BCKDHB: variants seen among roughly 807,000 people sequenced by gnomAD.
The protein encoded by BCKDHB is 2-oxoisovalerate dehydrogenase subunit beta, mitochondrial.
BCKDHB carries 41 observed loss-of-function variants against 48.5 expected under a neutral mutation model. The ratio of observed to expected loss-of-function variants is 0.85; its 90% CI spans 0.66 to 1.10. The LOEUF (loss-of-function observed/expected upper bound fraction) is 1.10, where lower values mean the gene tolerates loss of function less well. Among genes scored for constraint, BCKDHB ranks in the 50% least tolerant of loss-of-function variants. The probability of loss-of-function intolerance (pLI) is 0.00; values close to 1 mark genes in which losing one functional copy is unlikely to be tolerated. For synonymous variants in BCKDHB, 201 were observed against 174.8 expected (o/e 1.15, Z -1.18); for missense variants, 496 against 494.2 (o/e 1.00, Z -0.03).
At chr6:80,229,463 G>A (rs1221889210) in intron 8 of BCKDHB, among the ~76,000 whole-genome samples, 2 of 152,138 alleles carry the variant, frequency 1.3e-5, no homozygotes, top group Non-Finnish European at 2.9e-5. Context: ...CAATAAGCTT[G>A]GTGTGGTTGT....
chr6:80,146,312 A>G (rs1237252620), intron 3 of BCKDHB, among the ~76,000 whole-genome samples: 1 of 152,194 alleles, frequency 6.6e-6, no homozygotes, highest in African/African-American at 2.4e-5. Flanking sequence ...AGAATGAAAT[A>G]ACAATATAAA....
intron 9 of BCKDHB, among the ~76,000 whole-genome samples, chr6:80,280,350 A>G (rs897961058): frequency 6.6e-6 from 1 of 152,228 alleles, no homozygotes; most frequent in East Asian, 1.9e-4. Flanking sequence ...AGATTAATAT[A>G]GATTTAAAAG....
chr6:80,324,498 TAGC>T (rs1285192929), intron 9 of BCKDHB, among the ~76,000 whole-genome samples: 7 of 151,824 alleles, frequency 4.6e-5, no homozygotes, highest in Non-Finnish European at 8.8e-5. Flanking sequence ...CTTAAGGAAT[TAGC>T]AGGAAACACA....
intron 1 of BCKDHB, among the ~76,000 whole-genome samples, chr6:80,117,447 C>A (rs1478543633): frequency 6.6e-6 from 1 of 152,194 alleles, no homozygotes; most frequent in Non-Finnish European, 1.5e-5. Context: ...TAAATAGCAA[C>A]TTAGATATTT....
chr6:80,194,285 A>T (rs547615554), intron 6 of BCKDHB, among the ~76,000 whole-genome samples: 7 of 152,316 alleles, frequency 4.6e-5, no homozygotes, highest in Non-Finnish European at 1.5e-5. Context: ...AAAGATTGCA[A>T]AAATAGTATG....
intron 2 of BCKDHB, 46 bp downstream of exon 2, chr6:80,127,670 G>T: frequency 6.7e-7 from 1 of 1,500,304 alleles, no homozygotes; most frequent in Non-Finnish European, 9.3e-7. Flanking sequence ...GTTAATTCCA[G>T]AATTGAAGAT....
chr6:80,127,479 T>C, intron 1 of BCKDHB, 68 bp from the exon 2 acceptor site: 1 of 1,254,072 alleles, frequency 8.0e-7, no homozygotes, highest in Non-Finnish European at 1.2e-6. Flanking sequence ...TGTAATTAAC[T>C]GTTAAGAAAC....
intron 3 of BCKDHB, among the ~76,000 whole-genome samples, chr6:80,150,429 T>C (rs896323060): frequency 6.6e-5 from 10 of 152,110 alleles, no homozygotes; most frequent in Non-Finnish European, 1.2e-4. Context: ...AAAATGATGA[T>C]TCATTTAACT....
chr6:80,392,237 A>C, the BCKDHB span, among the ~76,000 whole-genome samples: 32 of 152,018 alleles, frequency 2.1e-4, no homozygotes, highest in African/African-American at 7.5e-4. Context: ...CAAGTGATCC[A>C]CCCACCTCGG....
intron 6 of BCKDHB, among the ~76,000 whole-genome samples, chr6:80,192,819 C>CA (rs1773958463): frequency 8.6e-6 from 1 of 116,440 alleles, no homozygotes; most frequent in South Asian, 3.5e-4. Flanking sequence ...TTATATTTGC[C>CA]AACTTTTTTT....
chr6:80,245,611 A>G (rs902925924), intron 8 of BCKDHB, among the ~76,000 whole-genome samples: 10 of 152,204 alleles, frequency 6.6e-5, no homozygotes. Context: ...AATAACCAGA[A>G]TAGCAAACTA....
At chr6:80,346,659 A>G (rs1236952641), downstream of BCKDHB, among the ~76,000 whole-genome samples, 2 of 152,074 alleles carry the variant, frequency 1.3e-5, no homozygotes, top group Non-Finnish European at 2.9e-5. Context: ...TTGCAAAGCA[A>G]TTTTTGCCCA....
the BCKDHB span, among the ~76,000 whole-genome samples, chr6:80,397,135 TA>T: frequency 6.6e-6 from 1 of 152,194 alleles, no homozygotes; most frequent in Non-Finnish European, 1.5e-5. Context: ...TTTTGTCAGA[TA>T]GGGGTGGGTA....
chr6:80,419,961 T>A, the BCKDHB span, among the ~76,000 whole-genome samples: 2,628 of 152,306 alleles, frequency 0.017, 68 homozygotes, highest in African/African-American at 0.059. Flanking sequence ...TTTCAGACAT[T>A]GTATTCTTCT....
the BCKDHB span, among the ~76,000 whole-genome samples, chr6:80,400,910 G>A: frequency 6.6e-6 from 1 of 151,828 alleles, no homozygotes; most frequent in Admixed American, 6.6e-5. Flanking sequence ...TCATGTTCCT[G>A]GCAGCAACAT....
At chr6:80,139,543 C>T (rs1771075659) in intron 3 of BCKDHB, among the ~76,000 whole-genome samples, 1 of 150,368 alleles carries the variant, frequency 6.7e-6, no homozygotes, top group Admixed American at 6.6e-5. Context: ...TTTCCCAGCA[C>T]CATTTATTAA....
chr6:80,315,315 G>A (rs1768384766), intron 9 of BCKDHB, among the ~76,000 whole-genome samples: 1 of 152,132 alleles, frequency 6.6e-6, no homozygotes, highest in Non-Finnish European at 1.5e-5. Context: ...AGATCTGAGG[G>A]TTGCAAAGAT....
At chr6:80,430,308 A>G in the BCKDHB span, among the ~76,000 whole-genome samples, 2 of 152,020 alleles carry the variant, frequency 1.3e-5, no homozygotes, top group Non-Finnish European at 2.9e-5. Context: ...TTCATTAGGG[A>G]TATTGGCCTA....
intron 9 of BCKDHB, among the ~76,000 whole-genome samples, chr6:80,309,837 T>A (rs959438382): frequency 2.6e-5 from 4 of 152,194 alleles, no homozygotes; most frequent in African/African-American, 9.6e-5. Context: ...AGGTAGCTTT[T>A]CCATCTTCAC....
Sources: allele counts gnomAD v4.1 joint callset (sites outside exome capture counted in the v4.1 genomes callset), GRCh38; gene constraint gnomAD v4.1.1; transcripts MANE v1.5; gene names NCBI Gene and HGNC (gene_info 2026-07-23, HGNC 2026-07-21).